Variants in DDX1 observed in about 807,000 individuals in gnomAD.
The protein encoded by DDX1 is DEAD-box helicase 1, also known as ATP-dependent RNA helicase DDX1.
Under a neutral mutation model 108.7 loss-of-function variants are expected in DDX1, and 28 were observed. The observed-to-expected ratio is 0.26, with a 90% CI of 0.19 to 0.35. DDX1 has a LOEUF of 0.35. Ranked by LOEUF, DDX1 falls within the 10% of genes least tolerant of loss-of-function variation. DDX1 has a pLI of 1.00. For missense variants in DDX1, 710 were observed against 884.5 expected, an observed-to-expected ratio of 0.80 and a Z score of 2.50; for synonymous variants, 295 against 288.9, an observed-to-expected ratio of 1.02 and a Z score of -0.21.
Position 15,627,041 on chromosome 2 carries a change from T to C in DDX1, c.1595-13T>C, listed in dbSNP as rs780803199. The C allele has an allele frequency of 3.8e-6, 6 of 1,574,866 alleles. No individual in the cohort carries two copies. The East Asian group carries it at 1.3e-4, about 35-fold the overall frequency. ...ATTTTCCAAGGTTAAATGCTTAATG[T>C]GCTTTTCACTAGGACCTGATAAAAA... is the stretch of plus-strand genomic sequence containing the variant. On this transcript the variant is annotated splice_polypyrimidine_tract_variant and intron_variant, in intron 19 of 25. Coordinates refer to ENST00000233084, the MANE Select transcript of DDX1 (RefSeq NM_004939.3).
intron 19 of DDX1, among the ~76,000 whole-genome samples, chr2:15,625,888 T>A (rs946935656): frequency 2.8e-5 from 4 of 142,042 alleles, no homozygotes; most frequent in African/African-American, 1.2e-4. Context: ...AGTGCTTAAG[T>A]AACACATTTT....
chr2:15,611,744 C>A (rs1573043758), intron 13 of DDX1, among the ~76,000 whole-genome samples: 1 of 105,462 alleles, frequency 9.5e-6, no homozygotes, highest in Non-Finnish European at 1.9e-5. Context: ...GGGGGCTGAC[C>A]CCCCCACCTC....
intron 18 of DDX1, among the ~76,000 whole-genome samples, chr2:15,623,041 T>C (rs1024846911): frequency 2.7e-4 from 41 of 152,302 alleles, no homozygotes; most frequent in African/African-American, 8.9e-4. Flanking sequence ...TTAAAATAAT[T>C]GTATAAAGCA....
chr2:15,622,507 A>G (rs992094341), intron 18 of DDX1, among the ~76,000 whole-genome samples: 2 of 152,178 alleles, frequency 1.3e-5, no homozygotes, highest in South Asian at 2.1e-4. Flanking sequence ...CTGACATGAG[A>G]TGTTTCAGGT....
rs1181835376 is a variant in DDX1, at chr2:15,630,684, A to G, written c.2093-92A>G. ...GTAGTACATTTTATTGCTGCAAGCA[A>G]AGTTTAAAGTGATATAATTGAGCCA... On this transcript the variant is annotated intron_variant, in intron 25 of 25. Coordinates refer to ENST00000233084, the MANE Select transcript of DDX1 (RefSeq NM_004939.3). 3.7e-6 allele frequency: 5 copies of G among 1,359,026 alleles called. No homozygotes were observed. The Admixed American group carries it at 8.5e-5, about 23-fold the overall frequency. The allele number at this position is 1,359,026 out of a possible 1,614,324, so 84.2% of individuals were successfully genotyped here. A position where few individuals can be genotyped will look rare whatever the true frequency, so the allele number is the denominator to read the frequency against.
Position 15,630,772 on chromosome 2 carries a change from G to T in DDX1, c.2093-4G>T, listed in dbSNP as rs767781125. 12 of 1,610,826 alleles carry T rather than the reference G, an allele frequency of 7.4e-6. No individual in the cohort carries two copies. The highest frequency in any genetic ancestry group is 8.5e-7 in the Non-Finnish European group (1 of 1,177,790). On this transcript the variant is annotated splice_region_variant and splice_polypyrimidine_tract_variant and intron_variant, in intron 25 of 25. Coordinates refer to ENST00000233084, the MANE Select transcript of DDX1 (RefSeq NM_004939.3). ...CATTACTTTGTTATTTGTGTGTGAT[G>T]CAGGTGGAAGCTATAAAGGCCATGT...
intron 4 of DDX1, among the ~76,000 whole-genome samples, chr2:15,596,967 A>T (rs976073852): frequency 6.6e-6 from 1 of 152,252 alleles, no homozygotes; most frequent in African/African-American, 2.4e-5. Flanking sequence ...ATAGTTTTAA[A>T]TGGGCGTTAG....
In DDX1 at chr2:15,595,396, G is replaced by A. The variant is rs140126421; in HGVS notation, c.69-94G>A. On this transcript the variant is annotated intron_variant, in intron 2 of 25. Coordinates refer to ENST00000233084, the MANE Select transcript of DDX1 (RefSeq NM_004939.3). ...GAATAAGATGGATCGTATTTACCAC[G>A]TAAAATTTTCTTTTAGGCAAATTAA... The A allele has an allele frequency of 6.1e-3, 6,606 of 1,082,508 alleles. 27 individuals carry two copies. Among genetic ancestry groups the A allele is most frequent in the Non-Finnish European group, 8.1e-3 (5,727 of 708,602 alleles). 67.1% of individuals were successfully genotyped at this position (1,082,508 alleles called of 1,614,324 possible).
intron 16 of DDX1, 60 bp from the exon 17 acceptor site, chr2:15,620,146 TTG>T (rs1373106543): frequency 4.9e-6 from 7 of 1,422,994 alleles, no homozygotes; most frequent in Non-Finnish European, 6.9e-6. Flanking sequence ...ATATCAGTGT[TTG>T]TGTGATTTAT....
chr2:15,625,096 A>G (rs975501507), intron 19 of DDX1, among the ~76,000 whole-genome samples: 1 of 152,194 alleles, frequency 6.6e-6, no homozygotes, highest in Non-Finnish European at 1.5e-5. Flanking sequence ...TGTGAAATAC[A>G]GTGGAATACT....
chr2:15,630,148 A>G, intron 25 of DDX1, 38 bp downstream of exon 25: 1 of 1,605,908 alleles, frequency 6.2e-7, no homozygotes, highest in Non-Finnish European at 8.5e-7. Context: ...TTTTAAATGT[A>G]AATATACCTG....
intron 15 of DDX1, 52 bp from the exon 16 acceptor site, chr2:15,618,129 G>T (rs957843313): frequency 8.9e-7 from 1 of 1,129,078 alleles, no homozygotes; most frequent in Non-Finnish European, 1.3e-6. Flanking sequence ...TAAAACTTAC[G>T]TTTTTTTCCA....
In DDX1 at chr2:15,631,029, C is replaced by G; in HGVS notation, c.*123C>G. On this transcript the variant is annotated 3_prime_UTR_variant, in exon 26 of 26. Coordinates refer to ENST00000233084, the MANE Select transcript of DDX1 (RefSeq NM_004939.3). ...CGTAAGCTATTAATGCTAACTCTTGCATGTCAAGAAACATTAGTCTTAGGA... is the reference window on the plus strand; with the variant it reads ...CGTAAGCTATTAATGCTAACTCTTGGATGTCAAGAAACATTAGTCTTAGGA... 1.2e-6 allele frequency: 1 copy of G among 833,518 alleles called. No homozygotes were observed. 51.6% of individuals were successfully genotyped at this position (833,518 alleles called of 1,614,324 possible). A position where few individuals can be genotyped will look rare whatever the true frequency, so the allele number is the denominator to read the frequency against.
intron 16 of DDX1, among the ~76,000 whole-genome samples, chr2:15,619,864 T>A (rs891369088): frequency 2.0e-4 from 31 of 152,224 alleles, no homozygotes; most frequent in Admixed American, 2.0e-3. Context: ...TTCTCTGTAG[T>A]TATATCCTTC....
chr2:15,604,325 C>T, intron 9 of DDX1, 112 bp from the exon 10 acceptor site: 1 of 708,580 alleles, frequency 1.4e-6, no homozygotes, highest in Non-Finnish European at 2.4e-6. Flanking sequence ...CTCTAATAGG[C>T]ATTTTTGATT....
At chr2:15,612,796 G>C (rs906087069) in intron 13 of DDX1, among the ~76,000 whole-genome samples, 1 of 152,228 alleles carries the variant, frequency 6.6e-6, no homozygotes, top group African/African-American at 2.4e-5. Context: ...CTCGCGGTTA[G>C]GAGCTGGAGA....
chr2:15,602,072 A>T (rs1393369626), intron 6 of DDX1, among the ~76,000 whole-genome samples: 2 of 152,208 alleles, frequency 1.3e-5, no homozygotes, highest in Non-Finnish European at 2.9e-5. Context: ...CAGTTCTGTT[A>T]TCTTTTAGTT....
chr2:15,620,926 C>T, intron 17 of DDX1, 139 bp from the exon 18 acceptor site: 1 of 533,254 alleles, frequency 1.9e-6, no homozygotes, highest in Non-Finnish European at 3.2e-6. Flanking sequence ...ATGATTTTGC[C>T]TACAGATTAT....
intron 7 of DDX1, among the ~76,000 whole-genome samples, chr2:15,602,961 C>T (rs888381511): frequency 6.6e-6 from 1 of 152,206 alleles, no homozygotes; most frequent in Non-Finnish European, 1.5e-5. Context: ...GATCTGCTTG[C>T]CTTAGCCTCC....
Sources: gnomAD v4.1 joint callset for allele counts (sites outside exome capture counted in the v4.1 genomes callset) on GRCh38, gnomAD v4.1.1 for gene constraint, MANE v1.5 for transcripts, NCBI Gene and HGNC (gene_info 2026-07-23, HGNC 2026-07-21) for gene names.